The following ICAM5 variants were observed in gnomAD, a reference collection of about 807,000 sequenced individuals.
ICAM5 encodes intercellular adhesion molecule 5.
Under a neutral mutation model 78.8 loss-of-function variants are expected in ICAM5, and 38 were observed. The ratio of observed to expected loss-of-function variants is 0.48; its 90% confidence interval spans 0.37 to 0.63. ICAM5 has a LOEUF of 0.63. Among genes scored for constraint, ICAM5 ranks in the 30% least tolerant of loss-of-function variants. The pLI is 0.00. For missense variants in ICAM5, 1,059 were observed against 1,303.0 expected (o/e 0.81, Z 2.88); for synonymous variants, 544 against 590.9 (o/e 0.92, Z 1.15).
In ICAM5 at chr19:10,294,448, C is replaced by A. The variant is rs764591497; in HGVS notation, c.2038C>A (p.Leu680Met). 2.5e-6 allele frequency: 4 copies of A among 1,610,472 alleles called. No individual in the cohort carries two copies. The South Asian group carries it at 4.4e-5, about 18-fold the overall frequency. The stretch of plus-strand genomic sequence containing the variant: ...TACCTGCCCAAGTCACCAGACGTGG[C>A]TGGAAGGGGCTGAGGCTTCCGCGCT... ...ESTCPSHQTW[L>M]EGAEASALAC... Residue 680 changes from leucine to methionine, a missense_variant, in exon 9 of 11, where the codon CTG (leucine) becomes ATG (methionine). Transcript: ENST00000221980. The surrounding 1 kb of genome is among the most constrained non-coding windows in gnomAD (Gnocchi z 7.7).
At position 10,294,785 on chromosome 19, in the gene ICAM5, G is replaced by A; in HGVS notation, c.2230+145G>A. On this transcript the variant is annotated intron_variant, in intron 9 of 10. Coordinates refer to ENST00000221980, the MANE Select transcript of ICAM5 (RefSeq NM_003259.4). This position sits in a 1 kb window ranked among gnomAD's most constrained non-coding sequence, Gnocchi z 7.7. ...AAACCAGGGGGTAATGAAAATTCTA[G>A]CCAGGCGCAGTGGCTCAGGTCTGTA... The A allele has an allele frequency of 1.5e-6, 2 of 1,292,714 alleles. No individual in the cohort carries two copies. The highest frequency in any genetic ancestry group is 2.1e-6 in the Non-Finnish European group (2 of 947,526). The allele number at this position is 1,292,714 out of a possible 1,614,324, so 80.1% of individuals were successfully genotyped here.
Position 10,290,463 on chromosome 19 carries a change from C to G in ICAM5, c.82+338C>G, listed in dbSNP as rs946259898. 3.6e-6 allele frequency: 1 copy of G among 274,528 alleles called. No individual in the cohort carries two copies. The highest frequency in any genetic ancestry group is 6.5e-5 in the East Asian group (1 of 15,274). The allele number at this position is 274,528 out of a possible 1,614,324, so 17.0% of individuals were successfully genotyped here. ...TCCACGGACTGGCATCTTCCCCACT[C>G]GCGGTCCGCGAAGACTCCATCTCTC... is the stretch of plus-strand genomic sequence containing the variant. On this transcript the variant is annotated intron_variant, in intron 1 of 10. Transcript: ENST00000221980. The surrounding 1 kb of genome is among the most constrained non-coding windows in gnomAD (Gnocchi z 5.7).
Position 10,290,797 on chromosome 19 carries a change from C to T in ICAM5, c.83-275C>T, listed in dbSNP as rs2145026802. The stretch of plus-strand genomic sequence containing the variant: ...CATCCAAGAACCCACCTTTCCTCTC[C>T]TCTACGCCCTCCCCCCATGCTTTCC... On this transcript the variant is annotated intron_variant, in intron 1 of 10. Coordinates refer to ENST00000221980, the MANE Select transcript of ICAM5 (RefSeq NM_003259.4). This position sits in a 1 kb window ranked among gnomAD's most constrained non-coding sequence, Gnocchi z 5.7. 1.8e-6 allele frequency: 1 copy of T among 564,124 alleles called. No individual in the cohort carries two copies. Among genetic ancestry groups the T allele is most frequent in the Middle Eastern group, 4.6e-4 (1 of 2,154 alleles). The allele number at this position is 564,124 out of a possible 1,614,324, so 34.9% of individuals were successfully genotyped here. A position where few individuals can be genotyped will look rare whatever the true frequency, so the allele number is the denominator to read the frequency against.
Position 10,293,252 on chromosome 19 carries a change from T to C in ICAM5, c.1465+6T>C. 2 of 1,570,260 alleles carry C rather than the reference T, an allele frequency of 1.3e-6. No homozygotes were observed. Among genetic ancestry groups the C allele is most frequent in the Non-Finnish European group, 1.7e-6 (2 of 1,157,636 alleles). On this transcript the variant is annotated splice_donor_region_variant and intron_variant, in intron 6 of 10. Coordinates refer to ENST00000221980, the MANE Select transcript of ICAM5 (RefSeq NM_003259.4). The surrounding 1 kb of genome is among the most constrained non-coding windows in gnomAD (Gnocchi z 5.0). ...CGTAACGCTAACGGTGGAGTGTGAG[T>C]GGGGGTGCGCAGGGTGCATTTCTAT...
Position 10,292,602 on chromosome 19 carries a change from C to G in ICAM5, c.962-10C>G. Reference sequence around the variant, plus strand: ...GGTCAGTATACTACGACCAAATGCTCCGCCCCCAGGCTTCCCGGCACCACT... The same window carrying G: ...GGTCAGTATACTACGACCAAATGCTGCGCCCCCAGGCTTCCCGGCACCACT... On this transcript the variant is annotated splice_polypyrimidine_tract_variant and intron_variant, in intron 4 of 10. Transcript: ENST00000221980. 1 of 1,550,994 alleles carries G rather than the reference C, an allele frequency of 6.4e-7. No individual in the cohort carries two copies. Among genetic ancestry groups the G allele is most frequent in the Non-Finnish European group, 8.7e-7 (1 of 1,150,470 alleles).
Position 10,290,187 on chromosome 19 carries a change from A to T in ICAM5, c.82+62A>T. The T allele has an allele frequency of 7.9e-7, 1 of 1,264,216 alleles. No individual in the cohort carries two copies. Among genetic ancestry groups the T allele is most frequent in the Non-Finnish European group, 1.1e-6 (1 of 938,802 alleles). The allele number at this position is 1,264,216 out of a possible 1,614,324, so 78.3% of individuals were successfully genotyped here. On this transcript the variant is annotated intron_variant, in intron 1 of 10. Transcript: ENST00000221980. This position sits in a 1 kb window ranked among gnomAD's most constrained non-coding sequence, Gnocchi z 5.7. ...GGGGCGGAGTCCCTGGACCTGAGAA[A>T]CGGCCTCCTGTCCCTCCCAGCTCTG... is the stretch of plus-strand genomic sequence containing the variant.
rs774835810 is a variant in ICAM5 at position 10,291,805 on chromosome 19, C to A, written c.669C>A (p.Thr223=). 9 of 1,608,828 alleles carry A rather than the reference C, an allele frequency of 5.6e-6. No homozygotes were observed. The highest frequency in any genetic ancestry group is 7.6e-6 in the Non-Finnish European group (9 of 1,178,206). ...ENSSAPRELR[T]FSLSPDAPRL... ...GCTCGGCCCCCAGAGAGCTCCGAAC[C>A]TTCTGTGAGTGGGTGTGGGGAGGAG... Residue 223 remains threonine, a synonymous_variant, in exon 3 of 11, where the codon ACC becomes ACA. Transcript: ENST00000221980.
rs548960289 is a variant in ICAM5, at chr19:10,292,775, C to A, written c.1125C>A (p.Asn375Lys). ...PAQLQLNATE[N>K]DDRRSFFCDA... ...AGCTTCAGCTAAATGCCACCGAGAACGACGACAGACGCAGCTTCTTCTGCG... is the reference window on the plus strand; with the variant it reads ...AGCTTCAGCTAAATGCCACCGAGAAAGACGACAGACGCAGCTTCTTCTGCG... Residue 375 changes from asparagine to lysine, a missense_variant, in exon 5 of 11, where the codon AAC (asparagine) becomes AAA (lysine). Asn to Lys is a moderately conservative substitution (Grantham distance 94, BLOSUM62 0). Coordinates refer to ENST00000221980, the MANE Select transcript of ICAM5 (RefSeq NM_003259.4). The A allele has an allele frequency of 1.9e-6, 3 of 1,613,500 alleles. No homozygotes were observed. In the East Asian group the frequency reaches 6.7e-5, roughly 36 times the overall value.
intron 2 of ICAM5, 36 bp downstream of exon 2, chr19:10,291,377 TCTCC>T: frequency 1.2e-6 from 2 of 1,606,722 alleles, no homozygotes; most frequent in Non-Finnish European, 1.7e-6. Flanking sequence ...ACTCCACTAC[TCTCC>T]CTCCCTCCCA....
At chr19:10,295,966 G>A (rs1399390613) in intron 10 of ICAM5, among the ~76,000 whole-genome samples, 1 of 152,136 alleles carries the variant, frequency 6.6e-6, no homozygotes, top group Non-Finnish European at 1.5e-5. Context: ...ATGTTGGAGG[G>A]AGAGAGGGGT....
In ICAM5 at chr19:10,292,289, A is replaced by C. The variant is rs1390320963; in HGVS notation, c.928A>C (p.Asn310His). ...CTGCAACGTCACCCTGGGGGGCGAA[A>C]ACCGGGAGACCCGGGAGAACGTGAC... ...LVCNVTLGGE[N>H]RETRENVTIY... is the part of the protein sequence containing the mutation. The change falls in exon 4 of 11, where the codon AAC becomes CAC. Residue 310 changes from asparagine to histidine, a missense_variant. Coordinates refer to ENST00000221980, the MANE Select transcript of ICAM5 (RefSeq NM_003259.4). The C allele has an allele frequency of 1.9e-6, 3 of 1,610,724 alleles. No individual in the cohort carries two copies. The African/African-American group carries it at 4.0e-5, about 22-fold the overall frequency.
chr19:10,293,765 G>C lies in ICAM5; in HGVS notation c.1533G>C (p.Ser511=), dbSNP rs746546706. The C allele has an allele frequency of 6.2e-7, 1 of 1,613,934 alleles. No individual in the cohort carries two copies. The highest frequency in any genetic ancestry group is 1.3e-5 in the African/African-American group (1 of 75,066). ...RITWLEGTEA[S]LSCVAHGVPP... ...CTTGGCTGGAGGGAACAGAAGCCTC[G>C]CTGAGCTGTGTGGCGCACGGGGTAC... Residue 511 remains serine, a synonymous_variant, in exon 7 of 11, where the codon TCG becomes TCC. Transcript: ENST00000221980. The surrounding 1 kb of genome is among the most constrained non-coding windows in gnomAD (Gnocchi z 5.0).
chr19:10,291,423 C>T (rs2040171176), intron 2 of ICAM5, 66 bp from the exon 3 acceptor site: 4 of 1,608,640 alleles, frequency 2.5e-6, no homozygotes, highest in African/African-American at 2.7e-5. Context: ...GGGTCCTCCC[C>T]TTCAGGCCCC....
At chr19:10,291,968 GCATGT>G in intron 3 of ICAM5, 62 bp from the exon 4 acceptor site, 1 of 1,531,456 alleles carries the variant, frequency 6.5e-7, no homozygotes, top group Non-Finnish European at 9.0e-7. Flanking sequence ...ATAAGATAGT[GCATGT>G]CAAGTGCTTA....
chr19:10,293,575 G>T lies in ICAM5; in HGVS notation c.1466-123G>T. ...GCCTCGACTAGCGTGACACCTCCTT[G>T]GATCGGCGTCCAAGGGTTATGCAGG... is the stretch of plus-strand genomic sequence containing the variant. On this transcript the variant is annotated intron_variant, in intron 6 of 10. Transcript: ENST00000221980. The surrounding 1 kb of genome is among the most constrained non-coding windows in gnomAD (Gnocchi z 5.0). The T allele has an allele frequency of 7.4e-7, 1 of 1,352,748 alleles. No individual in the cohort carries two copies. The highest frequency in any genetic ancestry group is 2.3e-5 in the East Asian group (1 of 42,574). 83.8% of individuals were successfully genotyped at this position (1,352,748 alleles called of 1,614,324 possible).
chr19:10,292,420 G>C, intron 4 of ICAM5, 98 bp downstream of exon 4: 1 of 1,400,226 alleles, frequency 7.1e-7, no homozygotes, highest in Non-Finnish European at 9.6e-7. Flanking sequence ...CGGAACAGGC[G>C]TGGCCCGAGG....
At position 10,294,015 on chromosome 19, in the gene ICAM5, G is replaced by A. The variant is rs367687699; in HGVS notation, c.1712-25G>A. The A allele has an allele frequency of 2.5e-6, 4 of 1,588,540 alleles. No homozygotes were observed. Among genetic ancestry groups the A allele is most frequent in the Admixed American group, 1.7e-5 (1 of 58,370 alleles). On this transcript the variant is annotated intron_variant, in intron 7 of 10. Coordinates refer to ENST00000221980, the MANE Select transcript of ICAM5 (RefSeq NM_003259.4). This position sits in a 1 kb window ranked among gnomAD's most constrained non-coding sequence, Gnocchi z 7.7. ...CGGCTGGACTTCCTGGCCCCCGTGT[G>A]AGCCCCTGCAATCCTGTTTCCCAGA...
In ICAM5 at chr19:10,289,967, C is replaced by G. The variant is rs1426277793; in HGVS notation, c.-77C>G. 1.6e-6 allele frequency: 2 copies of G among 1,234,616 alleles called. No homozygotes were observed. Among genetic ancestry groups the G allele is most frequent in the Non-Finnish European group, 2.2e-6 (2 of 904,674 alleles). 76.5% of individuals were successfully genotyped at this position (1,234,616 alleles called of 1,614,324 possible). On this transcript the variant is annotated 5_prime_UTR_variant, in exon 1 of 11. Coordinates refer to ENST00000221980, the MANE Select transcript of ICAM5 (RefSeq NM_003259.4). ...TGCCTCCCCCACACCCCACCCGCCG[C>G]GCCGCGCGGAGCCGTCCTCTAGCCC...
rs573140592 is a variant in ICAM5, at chr19:10,291,017, C to A, written c.83-55C>A. On this transcript the variant is annotated intron_variant, in intron 1 of 10. Coordinates refer to ENST00000221980, the MANE Select transcript of ICAM5 (RefSeq NM_003259.4). ...GAGAACCCTTGACTCGACATAGGGG[C>A]GCTAAGATGTCAGGGAGTTGGCTCC... 1.9e-4 allele frequency: 287 copies of A among 1,543,576 alleles called. 2 individuals carry two copies. In the African/African-American group the frequency reaches 3.6e-3, roughly 20 times the overall value.
Sources: gnomAD v4.1 joint callset for allele counts (sites outside exome capture counted in the v4.1 genomes callset) on GRCh38, gnomAD v4.1.1 for gene constraint, Gnocchi (gnomAD v3.1) non-coding constraint, MANE v1.5 for transcripts, NCBI Gene and HGNC (gene_info 2026-07-23, HGNC 2026-07-21) for gene names.